Variants in DCP1B observed in about 807,000 individuals in gnomAD.
DCP1B encodes mRNA-decapping enzyme 1B.
A neutral mutation model predicts 60.5 loss-of-function variants in DCP1B; 47 were observed. The ratio of observed to expected loss-of-function variants is 0.78; its 90% CI spans 0.61 to 0.99. DCP1B has a LOEUF of 0.99. Among genes scored for constraint, DCP1B ranks in the 50% least tolerant of loss-of-function variants. DCP1B has a pLI of 0.00. For missense variants in DCP1B, 725 were observed against 756.8 expected, an observed-to-expected ratio of 0.96 and a Z score of 0.49; for synonymous variants, 267 against 280.3, an observed-to-expected ratio of 0.95 and a Z score of 0.47.
Position 1,949,346 on chromosome 12 carries a change from AAATACAC to A in DCP1B, c.1525-19_1525-13del. The A allele has an allele frequency of 1.2e-6, 2 of 1,612,142 alleles. No individual in the cohort carries two copies. Among genetic ancestry groups the A allele is most frequent in the South Asian group, 2.2e-5 (2 of 91,054 alleles). On this transcript the variant is annotated splice_polypyrimidine_tract_variant and intron_variant, in intron 7 of 8. Coordinates refer to ENST00000280665, the MANE Select transcript of DCP1B (RefSeq NM_152640.5). The stretch of plus-strand genomic sequence containing the variant: ...TGAGGTGAGATGACCTGCTCACAGC[AAATACAC>A]ACAGAGAGCGGGGTTCAGGAGCAGC...
chr12:1,953,593 T>C (rs2030773238), intron 6 of DCP1B, among the ~76,000 whole-genome samples: 1 of 152,058 alleles, frequency 6.6e-6, no homozygotes, highest in Non-Finnish European at 1.5e-5. Context: ...GGTAGGAAAT[T>C]ATATGCACTA....
chr12:1,965,552 A>C lies in DCP1B; in HGVS notation c.522+6T>G, dbSNP rs765896654. The C allele has an allele frequency of 1.2e-6, 2 of 1,610,576 alleles. No homozygotes were observed. Among genetic ancestry groups the C allele is most frequent in the Non-Finnish European group, 1.7e-6 (2 of 1,178,406 alleles). ...GTATGTATCACAAGGAAGGGCAAAC[A>C]CTCACCTTTGTGTATTCGTCTTTGG... On this transcript the variant is annotated splice_donor_region_variant and intron_variant, in intron 5 of 8. Transcript: ENST00000280665.
Position 1,952,594 on chromosome 12 carries a change from G to A in DCP1B, c.1346C>T (p.Pro449Leu). The change falls in exon 7 of 9, where the codon CCT becomes CTT. Residue 449 changes from proline to leucine, a missense_variant. By Grantham distance (98) the Pro-to-Leu change is moderately conservative (BLOSUM62 -3). Transcript: ENST00000280665. ...SQTGSSGVIS[P>L]QELLKKLQIV... Reference sequence around the variant, plus strand: ...CTGAAGCTTCTTCAGTAACTCTTGAGGGGAGATCACTCCAGAGCTGCCAGT... The same window carrying A: ...CTGAAGCTTCTTCAGTAACTCTTGAAGGGAGATCACTCCAGAGCTGCCAGT... 1 of 1,614,162 alleles carries A rather than the reference G, an allele frequency of 6.2e-7. No individual in the cohort carries two copies. Among genetic ancestry groups the A allele is most frequent in the South Asian group, 1.1e-5 (1 of 91,080 alleles).
downstream of DCP1B, among the ~76,000 whole-genome samples, chr12:1,941,620 T>TC (rs1304074366): frequency 3.9e-5 from 6 of 152,142 alleles, no homozygotes; most frequent in South Asian, 2.1e-4. Context: ...CACTGTTTTT[T>TC]CCCCATCTTC....
chr12:2,000,865 C>T (rs548521724), intron 1 of DCP1B, among the ~76,000 whole-genome samples: 44 of 152,132 alleles, frequency 2.9e-4, no homozygotes, highest in African/African-American at 9.4e-4. Flanking sequence ...GGTGAAACCC[C>T]GTCTCTACTA....
In DCP1B at chr12:1,955,539, T is replaced by C; in HGVS notation, c.544A>G (p.Lys182Glu). Residue 182 changes from lysine (K) to glutamate (E), a missense_variant, in exon 6 of 9, where the codon AAA becomes GAA. Transcript: ENST00000280665. ...YTKCKTCSEP[K>E]KITSSSAIYD... is the part of the protein sequence containing the mutation. The stretch of plus-strand genomic sequence containing the variant: ...ATGGCAGAGGAACTGGTTATCTTTT[T>C]TGGCTCAGAACAGGTTTTACACTGA... 1 of 1,613,738 alleles carries C rather than the reference T, an allele frequency of 6.2e-7. No homozygotes were observed. Among genetic ancestry groups the C allele is most frequent in the Non-Finnish European group, 8.5e-7 (1 of 1,179,674 alleles).
In DCP1B at chr12:1,964,992, C is replaced by T. The variant is rs74753185; in HGVS notation, c.522+566G>A. 5.5e-3 allele frequency among the ~76,000 whole-genome samples: 837 copies of T among 152,078 alleles called. 5 individuals carry two copies. The highest frequency in any genetic ancestry group is 6.8e-3 in the Middle Eastern group (2 of 294). On this transcript the variant is annotated intron_variant, in intron 5 of 8. Transcript: ENST00000280665. ...AGCCTTACACTCAACTTGTCTAGAT[C>T]AGAGAGTAAGGGAGAAGTGGGGAGG...
rs141690308 is a variant in DCP1B at position 1,973,067 on chromosome 12, T to C, written c.320-5157A>G. 7.6e-3 allele frequency among the ~76,000 whole-genome samples: 1,156 copies of C among 152,346 alleles called. 11 individuals carry two copies. Among genetic ancestry groups the C allele is most frequent in the African/African-American group, 0.026 (1,094 of 41,578 alleles). On this transcript the variant is annotated intron_variant, in intron 3 of 8. Coordinates refer to ENST00000280665, the MANE Select transcript of DCP1B (RefSeq NM_152640.5). ...TGCTTTCCTCCGGCATGTTCTCTAA[T>C]GCCTTTAAAGTAATGTTCTTCCATT...
At chr12:1,990,476 AAG>A (rs1224495361) in intron 3 of DCP1B, among the ~76,000 whole-genome samples, 1 of 152,186 alleles carries the variant, frequency 6.6e-6, no homozygotes, top group Non-Finnish European at 1.5e-5. Flanking sequence ...TGATTAAATG[AAG>A]AGAGTTTGGG....
Position 1,952,798 on chromosome 12 carries a change from G to A in DCP1B, c.1142C>T (p.Ala381Val). ...PSTPAPASSA[A>V]LNRSRAPTSV... Reference sequence around the variant, plus strand: ...AGTGGGAGCTCTGCTGCGGTTCAGGGCAGCTGAGCTGGCAGGTGCTGGTGT... The same window carrying A: ...AGTGGGAGCTCTGCTGCGGTTCAGGACAGCTGAGCTGGCAGGTGCTGGTGT... The change falls in exon 7 of 9, where the codon GCC becomes GTC. Residue 381 changes from alanine to valine, a missense_variant. Physicochemically the swap from Ala to Val is moderately conservative, Grantham distance 64. Coordinates refer to ENST00000280665, the MANE Select transcript of DCP1B (RefSeq NM_152640.5). 2 of 1,614,214 alleles carry A rather than the reference G, an allele frequency of 1.2e-6. No individual in the cohort carries two copies. The highest frequency in any genetic ancestry group is 1.7e-5 in the Admixed American group (1 of 60,030).
chr12:1,993,659 T>C (rs977900705), intron 2 of DCP1B, among the ~76,000 whole-genome samples: 5 of 117,376 alleles, frequency 4.3e-5, no homozygotes, highest in African/African-American at 1.4e-4. Context: ...TGTGTGTGTA[T>C]ACAGATGTTG....
At chr12:1,980,220 T>C (rs1056211142) in intron 3 of DCP1B, among the ~76,000 whole-genome samples, 3 of 152,200 alleles carry the variant, frequency 2.0e-5, no homozygotes, top group African/African-American at 4.8e-5. Flanking sequence ...AATTCAAGTA[T>C]CTATCGATAG....
At chr12:1,961,152 G>T (rs549616453) in intron 5 of DCP1B, among the ~76,000 whole-genome samples, 1 of 152,340 alleles carries the variant, frequency 6.6e-6, no homozygotes, top group Admixed American at 6.5e-5. Flanking sequence ...TGAAGAAGGG[G>T]TGGGAACAGT....
intron 5 of DCP1B, among the ~76,000 whole-genome samples, chr12:1,957,741 T>A (rs923188016): frequency 6.6e-6 from 1 of 152,270 alleles, no homozygotes; most frequent in Non-Finnish European, 1.5e-5. Flanking sequence ...ACATCTTTTC[T>A]ACTTTAAAGC....
At chr12:1,979,612 C>G (rs116283324) in intron 3 of DCP1B, among the ~76,000 whole-genome samples, 3,139 of 152,330 alleles carry the variant, frequency 0.021, 98 homozygotes, top group African/African-American at 0.071. Context: ...GTGCCCAGCC[C>G]ATTTCTCTTA....
chr12:2,002,434 G>T (rs2042389250), intron 1 of DCP1B, among the ~76,000 whole-genome samples: 1 of 152,180 alleles, frequency 6.6e-6, no homozygotes, highest in South Asian at 2.1e-4. Context: ...TTTCCTGAAT[G>T]AATTATGCCC....
chr12:1,984,778 T>TAAA (rs764705302), intron 3 of DCP1B, among the ~76,000 whole-genome samples: 1,892 of 81,228 alleles, frequency 0.023, 55 homozygotes, highest in African/African-American at 0.062. Context: ...GGTCTTCTGG[T>TAAA]AAAAAAAAAA....
chr12:1,978,033 A>T lies in DCP1B; in HGVS notation c.320-10123T>A, dbSNP rs184724203. On this transcript the variant is annotated intron_variant, in intron 3 of 8. Transcript: ENST00000280665. The stretch of plus-strand genomic sequence containing the variant: ...CCTCTTTGCTAGGAAATTGACATTT[A>T]AAAAAATTGACTCTCAAGAGAGAAG... Among the ~76,000 whole-genome samples the T allele has an allele frequency of 9.3e-3, 1,414 of 152,288 alleles. 15 individuals are homozygous for T. The highest frequency in any genetic ancestry group is 0.032 in the African/African-American group (1,330 of 41,536).
chr12:1,982,790 G>C (rs983625179), intron 3 of DCP1B, among the ~76,000 whole-genome samples: 3 of 152,094 alleles, frequency 2.0e-5, no homozygotes, highest in African/African-American at 7.2e-5. Flanking sequence ...TCAGGATAAT[G>C]CTGCCCTCAT....
Sources: allele counts gnomAD v4.1 joint callset (sites outside exome capture counted in the v4.1 genomes callset), GRCh38; gene constraint gnomAD v4.1.1; transcripts MANE v1.5; gene names NCBI Gene and HGNC (gene_info 2026-07-23, HGNC 2026-07-21).